The following LSM7 variants were observed in gnomAD, a reference collection of about 807,000 sequenced individuals.
LSM7 encodes U6 snRNA-associated Sm-like protein LSm7.
A neutral mutation model predicts 14.1 loss-of-function variants in LSM7; 13 were observed. That is an observed-to-expected ratio of 0.92 (90% confidence interval 0.60 to 1.47). LSM7 has a LOEUF of 1.47. Ranked by LOEUF, LSM7 falls within the 40% of genes most tolerant of loss-of-function variation. The pLI is 0.00. For synonymous variants in LSM7, 70 were observed against 57.1 expected (o/e 1.23, Z -1.02); for missense variants, 108 against 140.8 (o/e 0.77, Z 1.18).
chr19:2,327,462 T>G (rs1968053815), intron 2 of LSM7, among the ~76,000 whole-genome samples: 1 of 152,126 alleles, frequency 6.6e-6, no homozygotes, highest in Non-Finnish European at 1.5e-5. Flanking sequence ...AGGATGGTCT[T>G]GATCTCCTGA....
intron 3 of LSM7, among the ~76,000 whole-genome samples, chr19:2,322,403 T>C (rs1034687338): frequency 2.0e-5 from 3 of 152,000 alleles, no homozygotes; most frequent in African/African-American, 7.3e-5. Context: ...TAGCCGGGCG[T>C]GGTGGCAGGC....
In LSM7 at chr19:2,328,544, T is replaced by C. The variant is rs774181308; in HGVS notation, c.6+17A>G. On this transcript the variant is annotated intron_variant, in intron 1 of 3. Coordinates refer to ENST00000252622, the MANE Select transcript of LSM7 (RefSeq NM_016199.3). ...GAGCTCCACGCCCCCCGGCTCCAGA[T>C]TCCGCCGCGCGCTCACCGCCATCTT... 5 of 1,600,342 alleles carry C rather than the reference T, an allele frequency of 3.1e-6. No homozygotes were observed. The highest frequency in any genetic ancestry group is 3.4e-6 in the Non-Finnish European group (4 of 1,174,394).
intron 2 of LSM7, among the ~76,000 whole-genome samples, chr19:2,325,111 TTC>T (rs1311181184): frequency 1.3e-5 from 2 of 152,140 alleles, no homozygotes; most frequent in Admixed American, 1.3e-4. Context: ...TCTCTGTGGC[TTC>T]TCTCTCCACG....
chr19:2,321,831 G>A lies in LSM7; in HGVS notation c.170-9C>T, dbSNP rs376638435. ...GTACTGGTCGTCAGGGTCTGGGGAGGAGCAGATAGAGAGGACTGAGGGACC... is the reference window on the plus strand; with the variant it reads ...GTACTGGTCGTCAGGGTCTGGGGAGAAGCAGATAGAGAGGACTGAGGGACC... On this transcript the variant is annotated splice_polypyrimidine_tract_variant and intron_variant, in intron 3 of 3. Transcript: ENST00000252622. The surrounding 1 kb of genome is among the most constrained non-coding windows in gnomAD (Gnocchi z 5.0). 6.9e-6 allele frequency: 10 copies of A among 1,447,612 alleles called. No homozygotes were observed. Among genetic ancestry groups the A allele is most frequent in the Non-Finnish European group, 8.2e-6 (9 of 1,093,206 alleles). 89.7% of individuals were successfully genotyped at this position (1,447,612 alleles called of 1,614,324 possible). A position where few individuals can be genotyped will look rare whatever the true frequency, so the allele number is the denominator to read the frequency against.
chr19:2,325,006 A>G (rs8103741), intron 2 of LSM7: 30,815 of 152,242 alleles, frequency 0.2, 3,299 homozygotes, highest in African/African-American at 0.26. Flanking sequence ...GGAATACAAA[A>G]GAACAAATCC....
In LSM7 at chr19:2,327,743, T is replaced by C. The variant is rs562322724; in HGVS notation, c.97+644A>G. Among the ~76,000 whole-genome samples, 5 of 152,286 alleles carry C rather than the reference T, an allele frequency of 3.3e-5. No individual in the cohort carries two copies. The East Asian group carries it at 9.6e-4, about 29-fold the overall frequency. On this transcript the variant is annotated intron_variant, in intron 2 of 3. Transcript: ENST00000252622. ...TAATAACTCTCATGCCACCCAGTTGTCTACAATCCAGGGACAAAGAGGTTT... is the reference window on the plus strand; with the variant it reads ...TAATAACTCTCATGCCACCCAGTTGCCTACAATCCAGGGACAAAGAGGTTT...
chr19:2,321,696 T>C lies in LSM7; in HGVS notation c.296A>G (p.Gln99Arg). The change falls in exon 4 of 4, where the codon CAG becomes CGG. Residue 99 changes from glutamine (Q) to arginine (R), a missense_variant. Coordinates refer to ENST00000252622, the MANE Select transcript of LSM7 (RefSeq NM_016199.3). The surrounding 1 kb of genome is among the most constrained non-coding windows in gnomAD (Gnocchi z 5.0). ...GMEAIPNPFI[Q>R]QQDA Reference sequence around the variant, plus strand: ...CCGGCCAGGCTAGGCGTCCTGCTGCTGGATGAAGGGGTTGGGGATGGCCTC... The same window carrying C: ...CCGGCCAGGCTAGGCGTCCTGCTGCCGGATGAAGGGGTTGGGGATGGCCTC... 6.4e-7 allele frequency: 1 copy of C among 1,552,340 alleles called. No individual in the cohort carries two copies. Among genetic ancestry groups the C allele is most frequent in the Admixed American group, 1.9e-5 (1 of 51,410 alleles).
chr19:2,324,349 C>T (rs1012591700), intron 2 of LSM7, 153 bp from the exon 3 acceptor site: 15 of 639,358 alleles, frequency 2.3e-5, no homozygotes, highest in African/African-American at 5.4e-5. Flanking sequence ...CGATGACAGC[C>T]GCCTCCAGAG....
At chr19:2,323,041 A>G (rs1451522811) in intron 3 of LSM7, among the ~76,000 whole-genome samples, 1 of 152,058 alleles carries the variant, frequency 6.6e-6, no homozygotes, top group Non-Finnish European at 1.5e-5. Flanking sequence ...TTGTCTCAGT[A>G]TCAATGGATC....
intron 2 of LSM7, chr19:2,324,425 T>C: frequency 1.8e-6 from 1 of 547,368 alleles, no homozygotes; most frequent in Non-Finnish European, 3.3e-6. Context: ...TCTGGCCGTG[T>C]GGGCCACAGG....
Position 2,321,764 on chromosome 19 carries a change from G to A in LSM7, c.228C>T (p.Cys76=), listed in dbSNP as rs776829112. 2 of 1,559,552 alleles carry A rather than the reference G, an allele frequency of 1.3e-6. No individual in the cohort carries two copies. The highest frequency in any genetic ancestry group is 1.7e-6 in the Non-Finnish European group (2 of 1,152,978). ...EDTRQLGLVV[C]RGTSVVLICP... ...AGATTAGCACCACGGACGTGCCCCG[G>A]CACACCACGAGGCCCAGCTGCCGGG... Residue 76 remains cysteine, a synonymous_variant, in exon 4 of 4, where the codon TGC becomes TGT. Transcript: ENST00000252622. This position sits in a 1 kb window ranked among gnomAD's most constrained non-coding sequence, Gnocchi z 5.0.
chr19:2,327,373 G>T (rs1968050534), intron 2 of LSM7, among the ~76,000 whole-genome samples: 1 of 151,852 alleles, frequency 6.6e-6, no homozygotes, highest in Non-Finnish European at 1.5e-5. Flanking sequence ...CCCCCGAGTA[G>T]CTGGGACTAC....
intron 3 of LSM7, among the ~76,000 whole-genome samples, chr19:2,322,397 C>G (rs1030280158): frequency 1.3e-5 from 2 of 152,128 alleles, no homozygotes; most frequent in African/African-American, 4.8e-5. Context: ...AAAAATTAGC[C>G]GGGCGTGGTG....
chr19:2,324,081 A>G (rs1967977892), intron 3 of LSM7, 44 bp downstream of exon 3: 1 of 999,034 alleles, frequency 1.0e-6, no homozygotes, highest in Non-Finnish European at 1.3e-6. Flanking sequence ...TCACCCCACT[A>G]TCCCCCTCGT....
chr19:2,323,596 A>T (rs150762892), intron 3 of LSM7, among the ~76,000 whole-genome samples: 1 of 152,046 alleles, frequency 6.6e-6, no homozygotes, highest in Non-Finnish European at 1.5e-5. Flanking sequence ...GATTACAGGC[A>T]TGCGCCACCA....
chr19:2,328,586 C>CT (rs1483549653), upstream of LSM7: 10 of 1,568,596 alleles, frequency 6.4e-6, no homozygotes, highest in Non-Finnish European at 8.6e-6. Context: ...CCGTGTGGCT[C>CT]TTCGCAGGCA....
At chr19:2,325,547 G>A (rs935235169) in intron 2 of LSM7, among the ~76,000 whole-genome samples, 1 of 152,066 alleles carries the variant, frequency 6.6e-6, no homozygotes, top group Non-Finnish European at 1.5e-5. Flanking sequence ...CACCAATCTC[G>A]GGAAGCAGGC....
chr19:2,323,150 G>T (rs945953144), intron 3 of LSM7, among the ~76,000 whole-genome samples: 6 of 152,204 alleles, frequency 3.9e-5, no homozygotes, highest in African/African-American at 9.6e-5. Context: ...AGGAGCTTCT[G>T]GGGGAGAGTC....
At chr19:2,324,068 C>T (rs1967977439) in intron 3 of LSM7, 57 bp downstream of exon 3, 7 of 1,126,584 alleles carry the variant, frequency 6.2e-6, no homozygotes, top group South Asian at 4.1e-5. Flanking sequence ...CCCGCTGCCC[C>T]CCTCACCCCA....
Sources: gnomAD v4.1 joint callset for allele counts (sites outside exome capture counted in the v4.1 genomes callset) on GRCh38, gnomAD v4.1.1 for gene constraint, Gnocchi (gnomAD v3.1) non-coding constraint, MANE v1.5 for transcripts, NCBI Gene and HGNC (gene_info 2026-07-23, HGNC 2026-07-21) for gene names.